Variants in OPRM1 observed in about 807,000 individuals in gnomAD.
The protein encoded by OPRM1 is opioid receptor mu 1, also known as mu-type opioid receptor.
OPRM1 carries 27 observed loss-of-function variants against 31.8 expected under a neutral mutation model. That is an observed-to-expected ratio of 0.85 (90% CI 0.63 to 1.17). The LOEUF (loss-of-function observed/expected upper bound fraction) is 1.17. Ranked by LOEUF, OPRM1 falls within the 50% of genes most tolerant of loss-of-function variation. OPRM1 has a pLI of 0.00. For synonymous variants in OPRM1, 196 were observed against 189.9 expected (o/e 1.03, Z -0.26); for missense variants, 536 against 511.1 (o/e 1.05, Z -0.47).
rs199880394 is a variant in OPRM1, at chr6:154,221,717, C to CA, written c.1165-24969dup. On this transcript the variant is annotated intron_variant, in intron 3 of 3. Coordinates refer to the OPRM1 transcript ENST00000337049. Reference sequence around the variant, plus strand: ...TGAAACCCCGTCTCTACTAAATATACAAAAAAATTAGCCGGGCATGGTGGC... The same window carrying CA: ...TGAAACCCCGTCTCTACTAAATATACAAAAAAAATTAGCCGGGCATGGTGGC... Among the ~76,000 whole-genome samples the CA allele has an allele frequency of 1.1e-3, 165 of 151,882 alleles. No individual in the cohort carries two copies. In the East Asian group the frequency reaches 0.028, roughly 26 times the overall value.
rs538640628 is a variant in OPRM1, at chr6:154,213,330, G to C, written c.1165-33363G>C. 2.3e-3 allele frequency: 364 copies of C among 158,844 alleles called. 1 individual carries two copies. The highest frequency in any genetic ancestry group is 8.6e-3 in the African/African-American group (358 of 41,730). The allele number at this position is 158,844 out of a possible 1,614,324, so 9.8% of individuals were successfully genotyped here. A position where few individuals can be genotyped will look rare whatever the true frequency, so the allele number is the denominator to read the frequency against. On this transcript the variant is annotated intron_variant, in intron 3 of 3. Coordinates refer to the OPRM1 transcript ENST00000337049. The stretch of plus-strand genomic sequence containing the variant: ...ATATGGCAGAAAACGAAGCTAGAAG[G>C]TGGTGGAGGCCATGTCATAGAAGGC...
In OPRM1 at chr6:154,168,138, A is replaced by G. The variant is rs921445876; in HGVS notation, c.1164+76666A>G. 4 of 1,505,304 alleles carry G rather than the reference A, an allele frequency of 2.7e-6. No individual in the cohort carries two copies. In the African/African-American group the frequency reaches 5.6e-5, roughly 21 times the overall value. 93.2% of individuals were successfully genotyped at this position (1,505,304 alleles called of 1,614,324 possible). ...TCTATTTGAAAAAAAAAAAGAAAGC[A>G]GTAACAATAAACCCAGTGAAAAATC... On this transcript the variant is annotated intron_variant, in intron 3 of 3. Transcript: ENST00000337049. The surrounding 1 kb of genome is among the most constrained non-coding windows in gnomAD (Gnocchi z 4.1).
chr6:154,010,687 C>A, exon 1 of OPRM1: 1 of 1,448,728 alleles, frequency 6.9e-7, no homozygotes, highest in South Asian at 1.4e-5. Flanking sequence ...GAAAAAGCAG[C>A]CGGGTCAGAC....
intron 3 of OPRM1, 91 bp from the exon 4 acceptor site, chr6:154,118,592 A>G: frequency 4.0e-6 from 5 of 1,237,640 alleles, no homozygotes; most frequent in South Asian, 1.3e-5. Context: ...AAGGTCTTCA[A>G]TGCAGTTCTT....
At position 154,237,397 on chromosome 6, in the gene OPRM1, G is replaced by C. The variant is rs555657477; in HGVS notation, c.1165-9296G>C. 9.9e-5 allele frequency among the ~76,000 whole-genome samples: 15 copies of C among 152,220 alleles called. No individual in the cohort carries two copies. In the South Asian group the frequency reaches 2.9e-3, roughly 30 times the overall value. On this transcript the variant is annotated intron_variant, in intron 3 of 3. Coordinates refer to the OPRM1 transcript ENST00000337049. ...ACACGGGGTCGGTAGGTGTATTTTTGGACTTTCTTACACAGGACAGATCAT... is the reference window on the plus strand; with the variant it reads ...ACACGGGGTCGGTAGGTGTATTTTTCGACTTTCTTACACAGGACAGATCAT...
intron 3 of OPRM1, among the ~76,000 whole-genome samples, chr6:154,188,374 TA>T (rs1268575126): frequency 4.6e-5 from 7 of 151,970 alleles, no homozygotes; most frequent in Non-Finnish European, 7.4e-5. Context: ...TGGAGAGAGG[TA>T]AAGAGACCAA....
chr6:154,202,699 A>C (rs1777168554), intron 3 of OPRM1, among the ~76,000 whole-genome samples: 1 of 152,214 alleles, frequency 6.6e-6, no homozygotes, highest in Non-Finnish European at 1.5e-5. Flanking sequence ...CTCTGCTTAA[A>C]GTATCAAGAC....
chr6:154,085,136 G>T (rs942431867), intron 1 of OPRM1, among the ~76,000 whole-genome samples: 1 of 152,160 alleles, frequency 6.6e-6, no homozygotes, highest in Admixed American at 6.5e-5. Flanking sequence ...TAGGTCAAAA[G>T]CAATCACATT....
At chr6:154,073,128 G>A (rs965805757) in intron 1 of OPRM1, among the ~76,000 whole-genome samples, 1 of 152,154 alleles carries the variant, frequency 6.6e-6, no homozygotes, top group African/African-American at 2.4e-5. Flanking sequence ...AAGAAAGGAG[G>A]TTCTCCCATT....
intron 3 of OPRM1, among the ~76,000 whole-genome samples, chr6:154,207,976 G>A (rs1204899429): frequency 2.6e-5 from 4 of 152,106 alleles, no homozygotes; most frequent in Admixed American, 1.3e-4. Context: ...CTGCTATCCC[G>A]ATGGAATCGC....
At chr6:154,097,639 T>A (rs1793627011) in intron 3 of OPRM1, among the ~76,000 whole-genome samples, 1 of 152,052 alleles carries the variant, frequency 6.6e-6, no homozygotes, top group Admixed American at 6.6e-5. Context: ...TCTTTTTGCA[T>A]GTATGGAATT....
chr6:154,170,038 T>C (rs1212784952), intron 3 of OPRM1, among the ~76,000 whole-genome samples: 1 of 152,200 alleles, frequency 6.6e-6, no homozygotes, highest in Non-Finnish European at 1.5e-5. Context: ...GCTAATATGT[T>C]ACCCATGTTA....
chr6:154,052,453 T>C (rs1291088163), intron 1 of OPRM1, among the ~76,000 whole-genome samples: 1 of 152,240 alleles, frequency 6.6e-6, no homozygotes, highest in Non-Finnish European at 1.5e-5. Flanking sequence ...AGACAACACA[T>C]AGATGAATGG....
chr6:154,075,551 A>C (rs1787706841), intron 1 of OPRM1, among the ~76,000 whole-genome samples: 1 of 151,754 alleles, frequency 6.6e-6, no homozygotes, highest in Admixed American at 6.6e-5. Context: ...TCCCAGGTTC[A>C]AGCAATTCTC....
chr6:154,118,383 A>T (rs1351776120), intron 3 of OPRM1, among the ~76,000 whole-genome samples: 1 of 152,200 alleles, frequency 6.6e-6, no homozygotes, highest in Admixed American at 6.5e-5. Context: ...GGGGAGAAAG[A>T]GTTTCAATTA....
chr6:154,158,907 T>C (rs985660981), intron 3 of OPRM1: 5 of 151,854 alleles, frequency 3.3e-5, no homozygotes, highest in African/African-American at 9.7e-5. Flanking sequence ...CATGGGTTTT[T>C]GTTTTTTTGT....
chr6:154,200,276 C>T (rs1035798399), intron 3 of OPRM1, among the ~76,000 whole-genome samples: 3 of 152,170 alleles, frequency 2.0e-5, no homozygotes, highest in Non-Finnish European at 4.4e-5. Context: ...TGAAAAATCT[C>T]CTTATCATGA....
At chr6:154,214,321 C>G (rs1438529523) in intron 3 of OPRM1, 1 of 1,315,080 alleles carries the variant, frequency 7.6e-7, no homozygotes, top group Admixed American at 1.7e-5. Flanking sequence ...GAGATTAGCC[C>G]CCCACCCATT....
chr6:154,161,187 C>G (rs1798985574), intron 3 of OPRM1, among the ~76,000 whole-genome samples: 1 of 151,560 alleles, frequency 6.6e-6, no homozygotes, highest in African/African-American at 2.4e-5. Context: ...TCCAGTCTTT[C>G]TTTACCCAAT....
Sources: gnomAD v4.1 joint callset for allele counts (sites outside exome capture counted in the v4.1 genomes callset) on GRCh38, gnomAD v4.1.1 for gene constraint, Gnocchi (gnomAD v3.1) non-coding constraint, MANE v1.5 for transcripts, NCBI Gene and HGNC (gene_info 2026-07-23, HGNC 2026-07-21) for gene names.